SUMF1: variants seen among roughly 807,000 people sequenced by gnomAD.
SUMF1 encodes sulfatase modifying factor 1.
Under a neutral mutation model 47.6 loss-of-function variants are expected in SUMF1, and 48 were observed. The observed-to-expected ratio is 1.01, with a 90% confidence interval of 0.80 to 1.28. SUMF1 has a LOEUF of 1.28. Ranked by LOEUF, SUMF1 falls within the 50% of genes most tolerant of loss-of-function variation. The pLI, the probability that SUMF1 is intolerant of heterozygous loss-of-function variation, is 0.00. For missense variants in SUMF1, 571 were observed against 485.4 expected, an observed-to-expected ratio of 1.18 and a Z score of -1.66; for synonymous variants, 230 against 192.1, an observed-to-expected ratio of 1.20 and a Z score of -1.63.
intron 8 of SUMF1, among the ~76,000 whole-genome samples, chr3:4,164,490 G>A (rs1487287901): frequency 6.6e-6 from 1 of 152,190 alleles, no homozygotes; most frequent in Non-Finnish European, 1.5e-5. Context: ...CCTTGGCATA[G>A]TGGACATGGG....
At chr3:4,425,718 G>A (rs1702047180) in intron 3 of SUMF1, among the ~76,000 whole-genome samples, 1 of 152,122 alleles carries the variant, frequency 6.6e-6, no homozygotes, top group African/African-American at 2.4e-5. Context: ...TAGGGCAAGG[G>A]GAGTGTATTA....
At chr3:4,273,511 G>A (rs310698) in intron 8 of SUMF1, among the ~76,000 whole-genome samples, 23,443 of 151,742 alleles carry the variant, frequency 0.15, 2,152 homozygotes, top group South Asian at 0.38. Context: ...GGCTGAAGGC[G>A]GAAACAGAGG....
chr3:4,118,903 T>G (rs1001825555), intron 8 of SUMF1, among the ~76,000 whole-genome samples: 17 of 152,156 alleles, frequency 1.1e-4, no homozygotes, highest in African/African-American at 3.9e-4. Context: ...GCCTTACTCC[T>G]AAGTTTTGAT....
chr3:4,347,333 C>G (rs867636883), intron 8 of SUMF1, among the ~76,000 whole-genome samples: 1 of 152,160 alleles, frequency 6.6e-6, no homozygotes, highest in Non-Finnish European at 1.5e-5. Context: ...AACTTACCCA[C>G]CACAATCAAG....
At chr3:4,099,934 G>A (rs1199982783) in intron 8 of SUMF1, among the ~76,000 whole-genome samples, 2 of 151,774 alleles carry the variant, frequency 1.3e-5, no homozygotes, top group East Asian at 3.9e-4. Flanking sequence ...ACAAAACACA[G>A]ATGAAAGAAA....
chr3:4,343,341 A>ACC lies in SUMF1; in HGVS notation c.1014+32988_1014+32989insGG, dbSNP rs1248205741. On this transcript the variant is annotated intron_variant and NMD_transcript_variant, in intron 8 of 12. Coordinates refer to the SUMF1 transcript ENST00000448413. ...CAGATCACCAAACCACAGGGATAAAAAGAGCATGGCAATTACACACAGTTA... is the reference window on the plus strand; with the variant it reads ...CAGATCACCAAACCACAGGGATAAAACCAGAGCATGGCAATTACACACAGTTA... Among the ~76,000 whole-genome samples the ACC allele has an allele frequency of 4.7e-4, 72 of 152,358 alleles. 1 individual carries two copies. The highest frequency in any genetic ancestry group is 1.7e-3 in the African/African-American group (69 of 41,582).
At chr3:4,280,875 T>G (rs139752994) in intron 8 of SUMF1, among the ~76,000 whole-genome samples, 2,067 of 144,788 alleles carry the variant, frequency 0.014, 60 homozygotes, top group African/African-American at 0.048. Flanking sequence ...GTGTGTGTTC[T>G]GTGTCCAAAC....
rs557585831 is a variant in SUMF1, at chr3:4,203,847, A to C, written c.1015-135102T>G. On this transcript the variant is annotated intron_variant and NMD_transcript_variant, in intron 8 of 12. Transcript: ENST00000448413. ...ATTGATAACAACATTGATTACAAAA[A>C]CAAGCAAACAGAAGACTAAAAAAAA... Among the ~76,000 whole-genome samples, 144 of 152,080 alleles carry C rather than the reference A, an allele frequency of 9.5e-4. 1 individual carries two copies. The highest frequency in any genetic ancestry group is 1.7e-3 in the Non-Finnish European group (117 of 67,892).
chr3:4,162,863 C>G (rs1240308849), intron 8 of SUMF1, among the ~76,000 whole-genome samples: 3 of 150,982 alleles, frequency 2.0e-5, no homozygotes, highest in Non-Finnish European at 4.4e-5. Flanking sequence ...CGGGGACAAT[C>G]AGTGGAGGCT....
intron 9 of SUMF1, among the ~76,000 whole-genome samples, chr3:4,043,413 ACTC>A (rs1443127937): frequency 6.6e-6 from 1 of 151,400 alleles, no homozygotes; most frequent in Admixed American, 6.6e-5. Context: ...AAACTAAGAA[ACTC>A]CTCCTTTTCA....
intron 8 of SUMF1, among the ~76,000 whole-genome samples, chr3:4,195,587 G>A (rs1487798864): frequency 6.6e-6 from 1 of 152,092 alleles, no homozygotes; most frequent in African/African-American, 2.4e-5. Flanking sequence ...ATCATTCTAG[G>A]TATTATTTCA....
chr3:4,274,108 A>AAAAC (rs760051095), intron 8 of SUMF1, among the ~76,000 whole-genome samples: 8 of 152,230 alleles, frequency 5.3e-5, no homozygotes, highest in Non-Finnish European at 7.4e-5. Context: ...AGTCATACTA[A>AAAAC]AAACAAACAA....
intron 8 of SUMF1, among the ~76,000 whole-genome samples, chr3:4,102,637 T>C (rs1693062364): frequency 6.6e-6 from 1 of 152,178 alleles, no homozygotes; most frequent in Non-Finnish European, 1.5e-5. Flanking sequence ...CTTCCCATGT[T>C]CTACATTGCT....
chr3:4,245,707 T>C (rs1353916241), intron 8 of SUMF1, among the ~76,000 whole-genome samples: 1 of 152,136 alleles, frequency 6.6e-6, no homozygotes, highest in Non-Finnish European at 1.5e-5. Context: ...AGGGACCCAC[T>C]TGAGTAGGTA....
chr3:4,119,846 A>T (rs961883806), intron 8 of SUMF1, among the ~76,000 whole-genome samples: 2 of 152,088 alleles, frequency 1.3e-5, no homozygotes, highest in Non-Finnish European at 2.9e-5. Flanking sequence ...TTGGTTCCCC[A>T]CAGTTTGTGC....
At chr3:4,178,130 C>T (rs938120650) in intron 8 of SUMF1, among the ~76,000 whole-genome samples, 3 of 152,156 alleles carry the variant, frequency 2.0e-5, no homozygotes, top group African/African-American at 7.2e-5. Context: ...GAGTTAGTAC[C>T]ATTTCTTCTG....
chr3:4,241,397 C>G (rs1696534703), intron 8 of SUMF1, among the ~76,000 whole-genome samples: 1 of 152,056 alleles, frequency 6.6e-6, no homozygotes, highest in Non-Finnish European at 1.5e-5. Flanking sequence ...GGGATAGGTC[C>G]TGGATTGAAG....
intron 8 of SUMF1, among the ~76,000 whole-genome samples, chr3:4,113,091 A>C (rs891612159): frequency 1.3e-5 from 2 of 151,954 alleles, no homozygotes; most frequent in African/African-American, 4.8e-5. Flanking sequence ...TATTTTACAC[A>C]TTTATGGGAT....
intron 8 of SUMF1, among the ~76,000 whole-genome samples, chr3:4,110,063 C>G (rs1436009610): frequency 6.6e-6 from 1 of 152,040 alleles, no homozygotes; most frequent in Non-Finnish European, 1.5e-5. Flanking sequence ...GTTTTATCTA[C>G]CTTTGGTCTT....
Sources: allele counts gnomAD v4.1 joint callset (sites outside exome capture counted in the v4.1 genomes callset), GRCh38; gene constraint gnomAD v4.1.1; transcripts MANE v1.5; gene names NCBI Gene and HGNC (gene_info 2026-07-23, HGNC 2026-07-21).